The following ARVCF variants were observed in gnomAD, a reference collection of about 807,000 sequenced individuals.
The protein encoded by ARVCF is splicing regulator ARVCF.
ARVCF carries 66 observed loss-of-function variants against 90.9 expected under a neutral mutation model. The ratio of observed to expected loss-of-function variants is 0.73; its 90% CI spans 0.60 to 0.89. The LOEUF (loss-of-function observed/expected upper bound fraction) is 0.89, where lower values mean the gene tolerates loss of function less well. Ranked by LOEUF, ARVCF falls within the 40% of genes least tolerant of loss-of-function variation. The probability of loss-of-function intolerance (pLI) is 0.00; values close to 1 mark genes in which losing one functional copy is unlikely to be tolerated. For synonymous variants in ARVCF, 653 were observed against 603.4 expected (o/e 1.08, Z -1.21); for missense variants, 1,469 against 1,382.3 (o/e 1.06, Z -1.00).
intron 11 of ARVCF, 79 bp downstream of exon 11, chr22:19,975,607 T>C (rs563902335): frequency 6.5e-7 from 1 of 1,544,206 alleles, no homozygotes; most frequent in East Asian, 2.3e-5. Context: ...GCCTGCTTGA[T>C]GGCTCAAAGC....
intron 2 of ARVCF, among the ~76,000 whole-genome samples, chr22:19,996,978 C>T (rs775424202): frequency 6.6e-6 from 1 of 152,234 alleles, no homozygotes; most frequent in Non-Finnish European, 1.5e-5. Flanking sequence ...AGGGACCACT[C>T]CCATGTCCAG....
intron 2 of ARVCF, among the ~76,000 whole-genome samples, chr22:19,994,085 G>A (rs964437377): frequency 6.6e-6 from 1 of 152,140 alleles, no homozygotes; most frequent in Admixed American, 6.5e-5. Flanking sequence ...GCGAAGGATG[G>A]ACAGACAGAT....
chr22:19,981,841 C>G, intron 4 of ARVCF, 92 bp downstream of exon 4: 2 of 1,555,774 alleles, frequency 1.3e-6, no homozygotes. Flanking sequence ...ATGAGAGGCC[C>G]CACGTGGCAA....
chr22:19,981,097 T>A (rs1006210075), intron 5 of ARVCF, 114 bp downstream of exon 5: 6 of 1,343,254 alleles, frequency 4.5e-6, no homozygotes, highest in Non-Finnish European at 6.0e-6. Flanking sequence ...CAATTCAAAC[T>A]AACATGCATG....
intron 2 of ARVCF, among the ~76,000 whole-genome samples, chr22:19,991,651 G>A (rs1349865501): frequency 6.6e-6 from 1 of 152,244 alleles, no homozygotes; most frequent in Admixed American, 6.5e-5. Context: ...GGGCCCCAGA[G>A]CCCCAGGGGA....
At chr22:20,002,896 T>C (rs1264302409) in intron 2 of ARVCF, among the ~76,000 whole-genome samples, 1 of 152,178 alleles carries the variant, frequency 6.6e-6, no homozygotes, top group African/African-American at 2.4e-5. Flanking sequence ...ATTGGAAGCA[T>C]TTTTACTGGC....
intron 3 of ARVCF, chr22:19,987,097 G>GCC: frequency 1.7e-6 from 1 of 583,878 alleles, no homozygotes; most frequent in Non-Finnish European, 3.1e-6. Flanking sequence ...CCGGCATCGG[G>GCC]CCGGGACTCG....
chr22:19,975,749 CCTT>C lies in ARVCF; in HGVS notation c.1894_1896del (p.Lys632del), dbSNP rs768697427. 4.3e-6 allele frequency: 7 copies of C among 1,613,586 alleles called. No homozygotes were observed. The highest frequency in any genetic ancestry group is 2.2e-5 in the South Asian group (2 of 91,066). ...TCAAAGTTCCGGTCCATCTCACCAT[CCTT>C]CTTTCCTGGAAGGGAAAGGTGGTGG... is the stretch of plus-strand genomic sequence containing the variant. On this transcript the variant is annotated inframe_deletion, in exon 11 of 20. Transcript: ENST00000263207.
At position 19,980,169 on chromosome 22, in the gene ARVCF, G is replaced by A; in HGVS notation, c.970C>T (p.Pro324Ser). Residue 324 changes from proline (P) to serine (S), a missense_variant, in exon 6 of 20, where the codon CCC (proline) becomes TCC (serine). Coordinates refer to ENST00000263207, the MANE Select transcript of ARVCF (RefSeq NM_001670.3). ...ERPAFPMVTA[P>S]LAQPERGSMG... The stretch of plus-strand genomic sequence containing the variant: ...CTGCCCCGTTCAGGCTGGGCCAGGG[G>A]CGCCGTCACCATTGGGAACGCAGGC... 19 of 1,579,884 alleles carry A rather than the reference G, an allele frequency of 1.2e-5. No individual in the cohort carries two copies. Among genetic ancestry groups the A allele is most frequent in the Non-Finnish European group, 1.6e-5 (19 of 1,163,830 alleles).
chr22:19,966,853 G>T, downstream of ARVCF: 1 of 784,558 alleles, frequency 1.3e-6, no homozygotes, highest in Non-Finnish European at 1.5e-6. Flanking sequence ...CTCTTGAAGG[G>T]AGGAGAGTCT....
intron 2 of ARVCF, among the ~76,000 whole-genome samples, chr22:20,007,933 C>A (rs1944691076): frequency 6.6e-6 from 1 of 152,164 alleles, no homozygotes; most frequent in Non-Finnish European, 1.5e-5. Context: ...AAAATACCTT[C>A]TAGAAGAAAA....
At chr22:20,003,772 T>G (rs932157804) in intron 2 of ARVCF, among the ~76,000 whole-genome samples, 1 of 152,232 alleles carries the variant, frequency 6.6e-6, no homozygotes, top group Non-Finnish European at 1.5e-5. Flanking sequence ...TACTCAATGG[T>G]GAAAGACTGA....
intron 13 of ARVCF, 92 bp from the exon 14 acceptor site, chr22:19,973,409 A>T: frequency 6.9e-7 from 1 of 1,452,796 alleles, no homozygotes. Context: ...CACTGCCAGG[A>T]GAGCCCCTGG....
At chr22:20,011,239 G>A (rs1944818342) in intron 1 of ARVCF, among the ~76,000 whole-genome samples, 1 of 152,318 alleles carries the variant, frequency 6.6e-6, no homozygotes, top group Non-Finnish European at 1.5e-5. Flanking sequence ...AATGGCCCCG[G>A]GGACACATTC....
chr22:19,996,864 A>G (rs889872407), intron 2 of ARVCF, among the ~76,000 whole-genome samples: 2 of 152,200 alleles, frequency 1.3e-5, no homozygotes, highest in Non-Finnish European at 2.9e-5. Context: ...CAGCAGAGGC[A>G]ATGAGCCAGG....
At chr22:20,010,902 C>T (rs1264297546) in intron 1 of ARVCF, among the ~76,000 whole-genome samples, 3 of 152,248 alleles carry the variant, frequency 2.0e-5, no homozygotes, top group South Asian at 2.1e-4. Context: ...AAGACATCTG[C>T]TCCACCTCCC....
intron 2 of ARVCF, among the ~76,000 whole-genome samples, chr22:20,002,845 G>A (rs567290499): frequency 2.3e-4 from 35 of 152,270 alleles, no homozygotes; most frequent in African/African-American, 7.7e-4. Context: ...AATGCATTAA[G>A]GCAGCTCCAG....
intron 2 of ARVCF, among the ~76,000 whole-genome samples, chr22:19,997,596 C>G (rs988712907): frequency 3.3e-5 from 5 of 152,216 alleles, no homozygotes; most frequent in Admixed American, 2.0e-4. Flanking sequence ...CCTGCAGACT[C>G]CAAGCCGTGG....
At chr22:19,997,761 G>A (rs749464616) in intron 2 of ARVCF, among the ~76,000 whole-genome samples, 41 of 152,312 alleles carry the variant, frequency 2.7e-4, no homozygotes, top group Non-Finnish European at 4.1e-4. Flanking sequence ...CACCCACTCC[G>A]CCCCCAATGA....
Sources: allele counts gnomAD v4.1 joint callset (sites outside exome capture counted in the v4.1 genomes callset), GRCh38; gene constraint gnomAD v4.1.1; transcripts MANE v1.5; gene names NCBI Gene and HGNC (gene_info 2026-07-23, HGNC 2026-07-21).